Variants in RAPGEFL1 observed in about 807,000 individuals in gnomAD.
RAPGEFL1 encodes rap guanine nucleotide exchange factor-like 1.
Under a neutral mutation model 64.4 loss-of-function variants are expected in RAPGEFL1, and 31 were observed. The observed-to-expected ratio is 0.48, with a 90% CI of 0.36 to 0.65. RAPGEFL1 has a LOEUF of 0.65. Ranked by LOEUF, RAPGEFL1 falls within the 30% of genes least tolerant of loss-of-function variation. The pLI, the probability that RAPGEFL1 is intolerant of heterozygous loss-of-function variation, is 0.00. For missense variants in RAPGEFL1, 682 were observed against 677.4 expected (o/e 1.01, Z -0.08); for synonymous variants, 331 against 274.1 (o/e 1.21, Z -2.05).
At chr17:40,189,499 C>A in intron 6 of RAPGEFL1, 124 bp downstream of exon 6, 3 of 1,119,528 alleles carry the variant, frequency 2.7e-6, no homozygotes, top group Non-Finnish European at 2.5e-6. Flanking sequence ...CCGGGACAAG[C>A]CTCATGTGCA....
upstream of RAPGEFL1, chr17:40,177,459 C>G (rs565147648): frequency 4.7e-6 from 3 of 644,668 alleles, no homozygotes; most frequent in Non-Finnish European, 8.4e-6. Context: ...GGCGCGGTCT[C>G]GGTTCTGCCA....
chr17:40,194,682 G>A lies in RAPGEFL1; in HGVS notation c.*894G>A, dbSNP rs1430957733. ...GGGTAGAGCAGTATCAGGAGCTAGG[G>A]TTGTCTGCTGCCCACACTCCTGCTT... On this transcript the variant is annotated 3_prime_UTR_variant, in exon 15 of 15. Transcript: ENST00000620260. The A allele has an allele frequency of 6.6e-6, 1 of 152,560 alleles. No individual in the cohort carries two copies. The highest frequency in any genetic ancestry group is 1.5e-5 in the Non-Finnish European group (1 of 68,050). 9.5% of individuals were successfully genotyped at this position (152,560 alleles called of 1,614,324 possible). A position where few individuals can be genotyped will look rare whatever the true frequency, so the allele number is the denominator to read the frequency against.
rs770097915 is a variant in RAPGEFL1 at position 40,193,813 on chromosome 17, C to T, written c.*25C>T. 4.3e-6 allele frequency: 7 copies of T among 1,613,710 alleles called. No homozygotes were observed. The South Asian group carries it at 6.6e-5, about 15-fold the overall frequency. On this transcript the variant is annotated 3_prime_UTR_variant, in exon 15 of 15. Coordinates refer to ENST00000620260, the MANE Select transcript of RAPGEFL1 (RefSeq NM_016339.6). ...AGAGTGGAGGCTCCAGTCAGACCCG[C>T]CAGATCCTTGGGCACCTGGCACTCA...
chr17:40,183,154 A>G (rs1420336132), intron 2 of RAPGEFL1, among the ~76,000 whole-genome samples: 1 of 152,056 alleles, frequency 6.6e-6, no homozygotes, highest in African/African-American at 2.4e-5. Context: ...TCTCAAATAA[A>G]TAAATAAATA....
Position 40,184,314 on chromosome 17 carries a change from C to T in RAPGEFL1, c.700C>T (p.Leu234Phe). The T allele has an allele frequency of 3.1e-6, 5 of 1,613,378 alleles. No homozygotes were observed. Among genetic ancestry groups the T allele is most frequent in the Non-Finnish European group, 4.2e-6 (5 of 1,179,782 alleles). Residue 234 changes from leucine (L) to phenylalanine (F), a missense_variant, in exon 3 of 15, where the codon CTT (leucine) becomes TTT (phenylalanine). Physicochemically the swap from Leu to Phe is conservative, Grantham distance 22. Coordinates refer to ENST00000620260, the MANE Select transcript of RAPGEFL1 (RefSeq NM_016339.6). ...LHFLDTYQGL[L>F]QEEEGAGHII... ...TTTCTTGGACACCTACCAGGGGCTG[C>T]TTCAAGAGGAAGAGGGGGCCGGCCA...
At chr17:40,181,559 C>T in intron 1 of RAPGEFL1, 57 bp from the exon 2 acceptor site, 1 of 699,468 alleles carries the variant, frequency 1.4e-6, no homozygotes, top group South Asian at 1.5e-5. Context: ...CACTGCATTT[C>T]CAGTTTCGTT....
In RAPGEFL1 at chr17:40,194,024, AG is replaced by A; in HGVS notation, c.*240del. 2.0e-6 allele frequency: 1 copy of A among 487,908 alleles called. No homozygotes were observed. Among genetic ancestry groups the A allele is most frequent in the South Asian group, 2.3e-5 (1 of 43,200 alleles). 30.2% of individuals were successfully genotyped at this position (487,908 alleles called of 1,614,324 possible). A position where few individuals can be genotyped will look rare whatever the true frequency, so the allele number is the denominator to read the frequency against. On this transcript the variant is annotated 3_prime_UTR_variant, in exon 15 of 15. Transcript: ENST00000620260. The stretch of plus-strand genomic sequence containing the variant: ...TGCTGGTTCCTGTCCCCTCTGAGAA[AG>A]GGGATAGAAAGCTCCTTCCTCTATG...
chr17:40,186,932 CTG>C (rs531883990), intron 4 of RAPGEFL1, among the ~76,000 whole-genome samples: 80 of 149,484 alleles, frequency 5.4e-4, no homozygotes, highest in African/African-American at 1.7e-3. Flanking sequence ...AGGAAGGAAA[CTG>C]TTTTTTTGGT....
Position 40,177,867 on chromosome 17 carries a change from G to A in RAPGEFL1, c.6G>A (p.Lys2=). 3 of 427,674 alleles carry A rather than the reference G, an allele frequency of 7.0e-6. No homozygotes were observed. Among genetic ancestry groups the A allele is most frequent in the Non-Finnish European group, 1.2e-5 (3 of 241,002 alleles). The allele number at this position is 427,674 out of a possible 1,614,324, so 26.5% of individuals were successfully genotyped here. The change falls in exon 1 of 15, where the codon AAG becomes AAA. Residue 2 remains lysine, a synonymous_variant. Coordinates refer to ENST00000620260, the MANE Select transcript of RAPGEFL1 (RefSeq NM_016339.6). ...GGAGAGGGGCGGGGGGGGGCATGAA[G>A]CCGCTGGAGAAATTTCTGAAGAAGC... M[K]PLEKFLKKQT... is the part of the protein sequence containing the mutation.
At position 40,177,666 on chromosome 17, in the gene RAPGEFL1, T is replaced by G. The variant is rs1192905945; in HGVS notation, c.-196T>G. On this transcript the variant is annotated 5_prime_UTR_variant, in exon 1 of 15. Transcript: ENST00000620260. The stretch of plus-strand genomic sequence containing the variant: ...TTGCTGAGAGCGAGCACTCCTTTCC[T>G]CTGGCACCTCCCCCGGCTACTGGCC... 3 of 410,032 alleles carry G rather than the reference T, an allele frequency of 7.3e-6. No homozygotes were observed. The highest frequency in any genetic ancestry group is 4.1e-5 in the African/African-American group (2 of 48,368). 25.4% of individuals were successfully genotyped at this position (410,032 alleles called of 1,614,324 possible).
At chr17:40,181,435 C>G (rs1989891675) in intron 1 of RAPGEFL1, 181 bp from the exon 2 acceptor site, 1 of 658,450 alleles carries the variant, frequency 1.5e-6, no homozygotes. Flanking sequence ...CTCGCAGTGG[C>G]TGCCCAGAAC....
At chr17:40,193,544 C>T in intron 14 of RAPGEFL1, 120 bp from the exon 15 acceptor site, 1 of 1,580,848 alleles carries the variant, frequency 6.3e-7, no homozygotes, top group Non-Finnish European at 8.7e-7. Flanking sequence ...CTCCTTGCCT[C>T]TGCAGAGGCC....
chr17:40,193,255 T>TG, intron 13 of RAPGEFL1, 108 bp from the exon 14 acceptor site: 4 of 1,247,418 alleles, frequency 3.2e-6, no homozygotes, highest in Non-Finnish European at 4.7e-6. Context: ...CCTCCAGAAT[T>TG]GGAGACTGGA....
chr17:40,177,037 G>T (rs561038582), upstream of RAPGEFL1: 34 of 701,312 alleles, frequency 4.8e-5, no homozygotes, highest in Non-Finnish European at 8.1e-5. Context: ...AGGACAGATG[G>T]GCACCGCCTC....
Position 40,177,644 on chromosome 17 carries a change from C to G in RAPGEFL1, c.-218C>G. ...CGGCTGCAGCCGGCATGGGGGGTTG[C>G]TGAGAGCGAGCACTCCTTTCCTCTG... On this transcript the variant is annotated 5_prime_UTR_variant, in exon 1 of 15. Coordinates refer to ENST00000620260, the MANE Select transcript of RAPGEFL1 (RefSeq NM_016339.6). 1 of 406,918 alleles carries G rather than the reference C, an allele frequency of 2.5e-6. No individual in the cohort carries two copies. The allele number at this position is 406,918 out of a possible 1,614,324, so 25.2% of individuals were successfully genotyped here.
At position 40,190,632 on chromosome 17, in the gene RAPGEFL1, G is replaced by A; in HGVS notation, c.1213-8G>A. The A allele has an allele frequency of 1.2e-6, 2 of 1,614,016 alleles. No homozygotes were observed. The highest frequency in any genetic ancestry group is 1.7e-6 in the Non-Finnish European group (2 of 1,179,926). ...GAGCCCAGCCCCTATGCCCCTGCCT[G>A]CCACCAGGTGCCCCTCCCCGAGGAG... On this transcript the variant is annotated splice_polypyrimidine_tract_variant and splice_region_variant and intron_variant, in intron 7 of 14. Transcript: ENST00000620260.
rs1215766325 is a variant in RAPGEFL1 at position 40,184,612 on chromosome 17, C to A, written c.767C>A (p.Ser256Tyr). The change falls in exon 4 of 15, where the codon TCC (serine) becomes TAC (tyrosine). Residue 256 changes from serine (S) to tyrosine (Y), a missense_variant. Around this residue, in one of 2 missense-constraint regions of RAPGEFL1, gnomAD observed 271 missense variants for 158.0 expected, o/e 1.72. Coordinates refer to ENST00000620260, the MANE Select transcript of RAPGEFL1 (RefSeq NM_016339.6). ...TACCTGCTAATTATGAAGGACGAGT[C>A]CCTTTACCAGGGCCTCCGAGAGGAC... is the stretch of plus-strand genomic sequence containing the variant. ...DLYLLIMKDESLYQGLREDTL... is the reference protein window; with the variant it reads ...DLYLLIMKDEYLYQGLREDTL... The A allele has an allele frequency of 1.1e-5, 17 of 1,581,880 alleles. No homozygotes were observed. Among genetic ancestry groups the A allele is most frequent in the Non-Finnish European group, 1.5e-5 (17 of 1,156,272 alleles).
chr17:40,185,783 CAAAAAAAA>C, intron 4 of RAPGEFL1, among the ~76,000 whole-genome samples: 1 of 48,932 alleles, frequency 2.0e-5, no homozygotes, highest in East Asian at 6.5e-4. Context: ...GATTCTGTCT[CAAAAAAAA>C]AAAAAAAAAA....
chr17:40,177,498 A>AGCCGCC lies in RAPGEFL1; in HGVS notation c.-346_-341dup, dbSNP rs566747235. ...TCCCCCTCTTCACGGCCAGGAGCGC[A>AGCCGCC]GCCGCCGCCGCCGCCGCCGCCGCGT... On this transcript the variant is annotated 5_prime_UTR_variant, in exon 1 of 15. Coordinates refer to ENST00000620260, the MANE Select transcript of RAPGEFL1 (RefSeq NM_016339.6). The AGCCGCC allele has an allele frequency of 2.3e-4, 136 of 594,444 alleles. No individual in the cohort carries two copies. Among genetic ancestry groups the AGCCGCC allele is most frequent in the African/African-American group, 1.4e-3 (75 of 52,498 alleles). 36.8% of individuals were successfully genotyped at this position (594,444 alleles called of 1,614,324 possible).
Sources: allele counts gnomAD v4.1 joint callset (sites outside exome capture counted in the v4.1 genomes callset), GRCh38; gene constraint gnomAD v4.1.1; regional missense constraint gnomAD v4.1.1; transcripts MANE v1.5; gene names NCBI Gene and HGNC (gene_info 2026-07-23, HGNC 2026-07-21).